Variants in GALNTL6 observed in about 807,000 individuals in gnomAD.
GALNTL6 encodes the protein polypeptide N-acetylgalactosaminyltransferase like 6, also known as polypeptide N-acetylgalactosaminyltransferase-like 6.
A neutral mutation model predicts 73.7 loss-of-function variants in GALNTL6; 46 were observed. That is an observed-to-expected ratio of 0.62 (90% CI 0.49 to 0.80). The LOEUF (loss-of-function observed/expected upper bound fraction) is 0.80. Ranked by LOEUF, GALNTL6 falls within the 30% of genes least tolerant of loss-of-function variation. The pLI is 0.00. For missense variants in GALNTL6, 604 were observed against 755.0 expected (o/e 0.80, Z 2.34); for synonymous variants, 259 against 263.7 (o/e 0.98, Z 0.17).
chr4:172,090,169 A>G (rs1480033479), intron 2 of GALNTL6, among the ~76,000 whole-genome samples: 1 of 152,200 alleles, frequency 6.6e-6, no homozygotes, highest in African/African-American at 2.4e-5. Flanking sequence ...ATACGTGTGC[A>G]TGTGTCTTTA....
chr4:172,993,980 C>T (rs1486760914), intron 10 of GALNTL6, among the ~76,000 whole-genome samples: 1 of 152,108 alleles, frequency 6.6e-6, no homozygotes, highest in African/African-American at 2.4e-5. Context: ...ATATCACAGT[C>T]CGACCAAACC....
intron 5 of GALNTL6, among the ~76,000 whole-genome samples, chr4:172,377,788 C>A (rs1283698148): frequency 4.6e-5 from 7 of 152,184 alleles, no homozygotes; most frequent in African/African-American, 1.7e-4. Context: ...GGTGCTAAGC[C>A]CCTCACTGCC....
At chr4:173,013,143 T>C (rs2126500695) in intron 11 of GALNTL6, among the ~76,000 whole-genome samples, 1 of 152,326 alleles carries the variant, frequency 6.6e-6, no homozygotes, top group South Asian at 2.1e-4. Flanking sequence ...ATGGGGATGT[T>C]ACTGGGGACC....
At chr4:172,665,170 CA>C (rs1731590669) in intron 5 of GALNTL6, among the ~76,000 whole-genome samples, 2 of 152,130 alleles carry the variant, frequency 1.3e-5, no homozygotes, top group Non-Finnish European at 2.9e-5. Flanking sequence ...AAGCCAAAGC[CA>C]CACATTTTAG....
At chr4:172,004,003 A>G (rs1015970515) in intron 2 of GALNTL6, among the ~76,000 whole-genome samples, 14 of 152,136 alleles carry the variant, frequency 9.2e-5, no homozygotes, top group Admixed American at 4.6e-4. Flanking sequence ...AATATGAATC[A>G]AGTTTTCATA....
At chr4:172,007,260 C>T (rs1740870431) in intron 2 of GALNTL6, among the ~76,000 whole-genome samples, 1 of 151,740 alleles carries the variant, frequency 6.6e-6, no homozygotes, top group Admixed American at 6.6e-5. Context: ...TTTTTCTTTG[C>T]TAACAAGAAA....
At chr4:172,546,185 G>A (rs1327128341) in intron 5 of GALNTL6, among the ~76,000 whole-genome samples, 1 of 151,984 alleles carries the variant, frequency 6.6e-6, no homozygotes, top group Admixed American at 6.6e-5. Context: ...TTACCACTCG[G>A]GAGAGAAGAA....
chr4:172,412,647 G>C (rs1334328628), intron 5 of GALNTL6, among the ~76,000 whole-genome samples: 1 of 152,132 alleles, frequency 6.6e-6, no homozygotes, highest in Non-Finnish European at 1.5e-5. Flanking sequence ...TGGGCACAAT[G>C]TAAACAAAAA....
intron 5 of GALNTL6, among the ~76,000 whole-genome samples, chr4:172,528,871 C>T (rs925282201): frequency 6.9e-6 from 1 of 145,638 alleles, no homozygotes; most frequent in Non-Finnish European, 1.5e-5. Flanking sequence ...TTTTTCATCA[C>T]AAGGATCCTT....
intron 3 of GALNTL6, among the ~76,000 whole-genome samples, chr4:172,265,325 A>C (rs916627151): frequency 6.6e-6 from 1 of 152,078 alleles, no homozygotes; most frequent in Admixed American, 6.6e-5. Flanking sequence ...TTATTGAGTC[A>C]ATAACTATTC....
At chr4:172,249,935 G>T (rs774638619) in intron 3 of GALNTL6, among the ~76,000 whole-genome samples, 3 of 152,154 alleles carry the variant, frequency 2.0e-5, no homozygotes, top group Non-Finnish European at 2.9e-5. Context: ...CCCACACAGA[G>T]TCCCCACTAG....
At chr4:171,911,389 T>C (rs1256358475) in intron 2 of GALNTL6, among the ~76,000 whole-genome samples, 1 of 152,158 alleles carries the variant, frequency 6.6e-6, no homozygotes, top group Admixed American at 6.5e-5. Context: ...TGAGCTCAAG[T>C]GATCCACCTG....
chr4:172,413,274 C>G (rs897800001), intron 5 of GALNTL6, among the ~76,000 whole-genome samples: 1 of 152,192 alleles, frequency 6.6e-6, no homozygotes, highest in Non-Finnish European at 1.5e-5. Context: ...ACATCTACCA[C>G]AAGTAGACAC....
intron 5 of GALNTL6, among the ~76,000 whole-genome samples, chr4:172,642,252 A>T (rs1373866036): frequency 3.9e-5 from 6 of 152,046 alleles, no homozygotes; most frequent in Non-Finnish European, 7.4e-5. Context: ...AATGAAATTC[A>T]TGTGTCAAAG....
chr4:171,980,603 A>G (rs1163183222), intron 2 of GALNTL6, among the ~76,000 whole-genome samples: 2 of 152,232 alleles, frequency 1.3e-5, no homozygotes, highest in Admixed American at 6.5e-5. Context: ...TTATAAAAGT[A>G]CAATGAAGAA....
chr4:173,018,697 G>C (rs1307011349), intron 11 of GALNTL6, among the ~76,000 whole-genome samples: 2 of 152,178 alleles, frequency 1.3e-5, no homozygotes, highest in East Asian at 3.8e-4. Flanking sequence ...CCAACCAGAG[G>C]GATTTACGTG....
At chr4:171,936,033 A>T (rs181554874) in intron 2 of GALNTL6, among the ~76,000 whole-genome samples, 2 of 152,312 alleles carry the variant, frequency 1.3e-5, no homozygotes, top group Admixed American at 1.3e-4. Flanking sequence ...TGGATAATTC[A>T]GCATTATTGA....
intron 7 of GALNTL6, among the ~76,000 whole-genome samples, chr4:172,824,658 C>G (rs1006466821): frequency 2.0e-5 from 3 of 152,002 alleles, no homozygotes; most frequent in Admixed American, 6.6e-5. Flanking sequence ...ATGCTGCTGT[C>G]TTCTCAGTGG....
chr4:172,269,313 T>G (rs1356390030), intron 3 of GALNTL6, among the ~76,000 whole-genome samples: 5 of 152,116 alleles, frequency 3.3e-5, no homozygotes. Flanking sequence ...AATCAAGATA[T>G]GGCATCCTTA....
Sources: gnomAD v4.1 joint callset for allele counts (sites outside exome capture counted in the v4.1 genomes callset) on GRCh38, gnomAD v4.1.1 for gene constraint, MANE v1.5 for transcripts, NCBI Gene and HGNC (gene_info 2026-07-23, HGNC 2026-07-21) for gene names.